Variants in SYAP1 observed in about 807,000 individuals in gnomAD.
SYAP1 encodes synapse-associated protein 1.
SYAP1 carries 3 observed loss-of-function variants against 29.6 expected under a neutral mutation model. That is an observed-to-expected ratio of 0.10 (90% CI 0.05 to 0.26). SYAP1 has a LOEUF of 0.26. Among genes scored for constraint, SYAP1 ranks in the 10% least tolerant of loss-of-function variants. The pLI is 1.00. For missense variants in SYAP1, 217 were observed against 264.1 expected (o/e 0.82, Z 1.24); for synonymous variants, 102 against 102.7 (o/e 0.99, Z 0.04).
chrX:16,719,650 AGAGTG>A lies in SYAP1; in HGVS notation c.-70_-66del, dbSNP rs1297572243. 285 of 1,096,208 alleles carry A rather than the reference AGAGTG, an allele frequency of 2.6e-4. No homozygotes were observed. The highest frequency in any genetic ancestry group is 3.4e-4 in the Non-Finnish European group (283 of 825,984). The allele number at this position is 1,096,208 out of a possible 1,213,427, so 90.3% of individuals were successfully genotyped here. On this transcript the variant is annotated 5_prime_UTR_variant, in exon 1 of 9. Coordinates refer to ENST00000380155, the MANE Select transcript of SYAP1 (RefSeq NM_032796.4). ...CCGGACATCTCCCTGGGAGTCGCGC[AGAGTG>A]GAGTCAAAGGCAACCAGTGCTCGCT...
chrX:16,759,314 G>A (rs1178867889), intron 8 of SYAP1, among the ~76,000 whole-genome samples: 3 of 109,281 alleles, frequency 2.7e-5, no homozygotes, highest in African/African-American at 1.0e-4. Context: ...GCAGTGAGCC[G>A]AGACCACACC....
At chrX:16,732,710 C>T (rs1392834932) in intron 1 of SYAP1, among the ~76,000 whole-genome samples, 3 of 112,282 alleles carry the variant, frequency 2.7e-5, no homozygotes, top group Non-Finnish European at 5.6e-5. Flanking sequence ...TCATACCACT[C>T]TGTACAAGTA....
chrX:16,760,872 A>G lies in SYAP1; in HGVS notation c.*513A>G, dbSNP rs760028997. ...TTTTCTAAAATTCCACCTGAAAGCC[A>G]AAAGATAAAATAAATAAGTTGATTT... On this transcript the variant is annotated 3_prime_UTR_variant, in exon 9 of 9. Coordinates refer to ENST00000380155, the MANE Select transcript of SYAP1 (RefSeq NM_032796.4). The G allele has an allele frequency of 8.9e-6, 1 of 112,093 alleles. No homozygotes were observed. The highest frequency in any genetic ancestry group is 2.8e-4 in the East Asian group (1 of 3,613). The allele number at this position is 112,093 out of a possible 1,213,427, so 9.2% of individuals were successfully genotyped here.
chrX:16,723,876 C>T (rs748602333), intron 1 of SYAP1, among the ~76,000 whole-genome samples: 20 of 111,806 alleles, frequency 1.8e-4, no homozygotes, highest in African/African-American at 6.2e-4. Flanking sequence ...CCTGAGGCAG[C>T]GTGGGATTGG....
At chrX:16,737,049 C>T (rs1434635267) in intron 3 of SYAP1, among the ~76,000 whole-genome samples, 3 of 111,814 alleles carry the variant, frequency 2.7e-5, no homozygotes, top group Non-Finnish European at 5.6e-5. Flanking sequence ...AGCATGCCTA[C>T]TCTTACCATT....
At chrX:16,755,992 G>A (rs999480759) in intron 6 of SYAP1, among the ~76,000 whole-genome samples, 2 of 111,392 alleles carry the variant, frequency 1.8e-5, no homozygotes, top group East Asian at 5.6e-4. Context: ...TAGTGTCAGG[G>A]AAATGGAGTG....
intron 4 of SYAP1, 114 bp from the exon 5 acceptor site, chrX:16,743,587 T>C: frequency 1.5e-6 from 1 of 689,064 alleles, no homozygotes; most frequent in East Asian, 3.7e-5. Context: ...TGAGCCGAGA[T>C]TGCACCACTG....
At chrX:16,758,694 A>G (rs1602338336) in intron 8 of SYAP1, among the ~76,000 whole-genome samples, 1 of 110,270 alleles carries the variant, frequency 9.1e-6, no homozygotes, top group East Asian at 2.9e-4. Context: ...AAGATCCCCA[A>G]GGGCAGTTAC....
intron 1 of SYAP1, among the ~76,000 whole-genome samples, chrX:16,730,185 C>G (rs1219664315): frequency 9.0e-6 from 1 of 111,334 alleles, no homozygotes; most frequent in African/African-American, 3.3e-5. Flanking sequence ...AAAACCCCGT[C>G]TCTACTAAAA....
intron 1 of SYAP1, among the ~76,000 whole-genome samples, chrX:16,726,531 T>C (rs1362875756): frequency 9.0e-6 from 1 of 111,651 alleles, no homozygotes; most frequent in Non-Finnish European, 1.9e-5. Context: ...GTCACTGGCT[T>C]TTAATATTTA....
At chrX:16,750,588 T>C (rs1466236477) in intron 5 of SYAP1, among the ~76,000 whole-genome samples, 1 of 110,773 alleles carries the variant, frequency 9.0e-6, no homozygotes, top group Non-Finnish European at 1.9e-5. Flanking sequence ...TCCATCTTGT[T>C]ACCTGTCCTC....
intron 5 of SYAP1, among the ~76,000 whole-genome samples, chrX:16,750,794 G>A (rs1425635047): frequency 1.0e-5 from 1 of 99,879 alleles, no homozygotes; most frequent in African/African-American, 3.7e-5. Flanking sequence ...TTGAGACAGA[G>A]TCTCACTCTG....
chrX:16,735,990 C>A (rs1926320395), intron 2 of SYAP1, among the ~76,000 whole-genome samples, 176 bp from the exon 3 acceptor site: 2 of 112,506 alleles, frequency 1.8e-5, no homozygotes, highest in Admixed American at 1.9e-4. Context: ...TTGCATCATG[C>A]GACTAAGGTC....
chrX:16,719,967 C>G lies in SYAP1; in HGVS notation c.175+68C>G, dbSNP rs375800617. On this transcript the variant is annotated intron_variant, in intron 1 of 8. Coordinates refer to ENST00000380155, the MANE Select transcript of SYAP1 (RefSeq NM_032796.4). The stretch of plus-strand genomic sequence containing the variant: ...TTCCTCCTCTGGGACGGCCCTGGGG[C>G]GCGGGCCCGACTGGCTGGGGGATGA... The G allele has an allele frequency of 2.2e-5, 23 of 1,058,124 alleles. 1 individual carries two copies. The South Asian group carries it at 4.9e-4, about 22-fold the overall frequency. The allele number at this position is 1,058,124 out of a possible 1,213,427, so 87.2% of individuals were successfully genotyped here.
At chrX:16,757,397 T>A (rs1289890306) in intron 8 of SYAP1, 88 bp downstream of exon 8, 3 of 989,371 alleles carry the variant, frequency 3.0e-6, no homozygotes, top group Non-Finnish European at 4.1e-6. Context: ...CTGAAGCCAG[T>A]GCACAAAAAT....
intron 5 of SYAP1, among the ~76,000 whole-genome samples, chrX:16,744,846 G>C (rs903061173): frequency 9.8e-5 from 11 of 111,692 alleles, no homozygotes; most frequent in African/African-American, 3.6e-4. Flanking sequence ...CGCACCTTTA[G>C]TCCTAGCTAC....
chrX:16,739,137 A>G (rs754620172), intron 3 of SYAP1, among the ~76,000 whole-genome samples: 1 of 111,780 alleles, frequency 8.9e-6, no homozygotes, highest in Non-Finnish European at 1.9e-5. Flanking sequence ...GTGAGAAAAA[A>G]TGTTTTGGGG....
rs1926983829 is a variant in SYAP1, at chrX:16,761,462, TC to T, written c.*1105del. The T allele has an allele frequency of 9.0e-6, 1 of 111,616 alleles. No homozygotes were observed. Among genetic ancestry groups the T allele is most frequent in the South Asian group, 3.7e-4 (1 of 2,709 alleles). The allele number at this position is 111,616 out of a possible 1,213,427, so 9.2% of individuals were successfully genotyped here. On this transcript the variant is annotated 3_prime_UTR_variant, in exon 9 of 9. Coordinates refer to ENST00000380155, the MANE Select transcript of SYAP1 (RefSeq NM_032796.4). ...ACTGTGAGTCTTCATAAAATTGTGT[TC>T]CTCCGAGTTCACCTTCTAGGACTTT...
At chrX:16,744,852 G>C (rs1926561165) in intron 5 of SYAP1, among the ~76,000 whole-genome samples, 1 of 111,998 alleles carries the variant, frequency 8.9e-6, no homozygotes, top group Admixed American at 9.5e-5. Flanking sequence ...TTTAGTCCTA[G>C]CTACTCAGGA....
Sources: gnomAD v4.1 joint callset for allele counts (sites outside exome capture counted in the v4.1 genomes callset) on GRCh38, gnomAD v4.1.1 for gene constraint, MANE v1.5 for transcripts, NCBI Gene and HGNC (gene_info 2026-07-23, HGNC 2026-07-21) for gene names.